The following TAB2 variants were observed in gnomAD, a reference collection of about 807,000 sequenced individuals.
TAB2 encodes TGF-beta-activated kinase 1 and MAP3K7-binding protein 2.
In TAB2, 3 loss-of-function variants were observed where a neutral mutation model predicts 65.0. That is an observed-to-expected ratio of 0.05 (90% confidence interval 0.02 to 0.12). The LOEUF is 0.12. Among genes scored for constraint, TAB2 ranks in the 10% least tolerant of loss-of-function variants. The pLI is 1.00. For synonymous variants in TAB2, 298 were observed against 285.1 expected, an observed-to-expected ratio of 1.05 and a Z score of -0.46; for missense variants, 623 against 840.3, an observed-to-expected ratio of 0.74 and a Z score of 3.20.
At chr6:149,219,116 C>T (rs940800100) in intron 1 of TAB2, among the ~76,000 whole-genome samples, 4 of 152,088 alleles carry the variant, frequency 2.6e-5, no homozygotes, top group Admixed American at 6.6e-5. Context: ...GGGCTGGGAG[C>T]GTTCAGTGAC....
intron 3 of TAB2, 21 bp from the exon 4 acceptor site, chr6:149,397,583 G>C (rs1187783568): frequency 6.2e-7 from 1 of 1,613,808 alleles, no homozygotes; most frequent in Admixed American, 1.7e-5. Context: ...GGGTCCTCAT[G>C]TTTACTAATG....
At chr6:149,279,121 C>A (rs572424835) in intron 1 of TAB2, among the ~76,000 whole-genome samples, 1 of 152,302 alleles carries the variant, frequency 6.6e-6, no homozygotes, top group African/African-American at 2.4e-5. Flanking sequence ...CTGCCCACAT[C>A]ACTCCACTTA....
chr6:149,227,442 G>A lies in TAB2; in HGVS notation c.-121+8666G>A, dbSNP rs540304083. Among the ~76,000 whole-genome samples the A allele has an allele frequency of 4.6e-5, 7 of 152,190 alleles. No individual in the cohort carries two copies. The South Asian group carries it at 6.2e-4, about 14-fold the overall frequency. On this transcript the variant is annotated intron_variant, in intron 1 of 1. Transcript: ENST00000606202. ...TTCAGATACTCAAAACACTTGATAC[G>A]GGCTGCAAGAGAAAGAGCGTCATGT...
In TAB2 at chr6:149,282,733, A is replaced by G. The variant is rs960255371; in HGVS notation, c.-121+63957A>G. ...AGGGCAACAGTCAGAACAAATATGAATTCAACAGCAATTTACTGTCTTTCC... is the reference window on the plus strand; with the variant it reads ...AGGGCAACAGTCAGAACAAATATGAGTTCAACAGCAATTTACTGTCTTTCC... On this transcript the variant is annotated intron_variant, in intron 1 of 1. Coordinates refer to the TAB2 transcript ENST00000606202. 4.6e-5 allele frequency among the ~76,000 whole-genome samples: 7 copies of G among 152,332 alleles called. 1 individual carries two copies.
intron 1 of TAB2, among the ~76,000 whole-genome samples, chr6:149,236,519 G>A (rs530874774): frequency 6.6e-6 from 1 of 152,240 alleles, no homozygotes; most frequent in South Asian, 2.1e-4. Context: ...CCACATCTGA[G>A]GTTTCTACTC....
rs1439997643 is a variant in TAB2, at chr6:149,298,502, C to T, written c.-120-79516C>T. ...ACTTAACCAGGCGTGGTAGTGCACA[C>T]CTGCAGCCCTAGCTACCCCGGAGGC... is the stretch of plus-strand genomic sequence containing the variant. On this transcript the variant is annotated intron_variant, in intron 1 of 1. Transcript: ENST00000606202. Among the ~76,000 whole-genome samples, 4 of 152,222 alleles carry T rather than the reference C, an allele frequency of 2.6e-5. No homozygotes were observed. In the East Asian group the frequency reaches 5.8e-4, roughly 22 times the overall value.
chr6:149,249,480 GTC>G (rs969339174), intron 1 of TAB2, among the ~76,000 whole-genome samples: 4 of 150,476 alleles, frequency 2.7e-5, no homozygotes, highest in African/African-American at 7.3e-5. Flanking sequence ...CTTTCTCTCT[GTC>G]TCTCTCTGTC....
chr6:149,361,112 C>T (rs1343158726), intron 1 of TAB2, among the ~76,000 whole-genome samples: 2 of 152,158 alleles, frequency 1.3e-5, no homozygotes, highest in South Asian at 2.1e-4. Context: ...GTCTGGAGGA[C>T]GGGGGTCCCT....
At chr6:149,366,161 T>C (rs571378194) in intron 1 of TAB2, among the ~76,000 whole-genome samples, 5 of 152,304 alleles carry the variant, frequency 3.3e-5, no homozygotes, top group African/African-American at 1.2e-4. Context: ...TTTTGGATTT[T>C]ATTTAGAACA....
rs1017757439 is a variant in TAB2, at chr6:149,409,782, G to A, written c.*63G>A. The A allele has an allele frequency of 1.3e-5, 21 of 1,593,638 alleles. No homozygotes were observed. The highest frequency in any genetic ancestry group is 1.7e-4 in the Middle Eastern group (1 of 6,052). On this transcript the variant is annotated 3_prime_UTR_variant, in exon 7 of 7. Coordinates refer to ENST00000637181, the MANE Select transcript of TAB2 (RefSeq NM_001292034.3). The stretch of plus-strand genomic sequence containing the variant: ...AAGTTCAAGAAACTAGTCTGTCATC[G>A]GGAAAAAGTTTCACTGCTACATAGG...
intron 1 of TAB2, among the ~76,000 whole-genome samples, chr6:149,328,105 T>C (rs185749568): frequency 6.6e-6 from 1 of 152,194 alleles, no homozygotes; most frequent in Admixed American, 6.5e-5. Context: ...GGTAGAAGAT[T>C]GAAGTGGTCA....
intron 3 of TAB2, among the ~76,000 whole-genome samples, chr6:149,392,380 G>A (rs1051929048): frequency 3.3e-5 from 5 of 152,134 alleles, no homozygotes; most frequent in African/African-American, 1.2e-4. Flanking sequence ...GACCTCAAAT[G>A]ATCCACCTGC....
chr6:149,329,568 T>C lies in TAB2; in HGVS notation c.-90+11553T>C, dbSNP rs922684021. On this transcript the variant is annotated intron_variant, in intron 1 of 6. Transcript: ENST00000637181. ...CTTGATTAGATAACATTTGAGCAGGTACATGAATGAAAATAGAGGCAGTAG... is the reference window on the plus strand; with the variant it reads ...CTTGATTAGATAACATTTGAGCAGGCACATGAATGAAAATAGAGGCAGTAG... 2.7e-5 allele frequency among the ~76,000 whole-genome samples: 4 copies of C among 148,868 alleles called. No homozygotes were observed. The South Asian group carries it at 6.3e-4, about 23-fold the overall frequency.
intron 1 of TAB2, among the ~76,000 whole-genome samples, chr6:149,276,902 C>G (rs1267263022): frequency 6.6e-6 from 1 of 152,174 alleles, no homozygotes; most frequent in Non-Finnish European, 1.5e-5. Flanking sequence ...ATAATTCCCA[C>G]GTGTTGTGGG....
Position 149,378,047 on chromosome 6 carries a change from T to C in TAB2, c.132T>C (p.Ala44=). 1 of 1,614,150 alleles carries C rather than the reference T, an allele frequency of 6.2e-7. No homozygotes were observed. Among genetic ancestry groups the C allele is most frequent in the South Asian group, 1.1e-5 (1 of 91,086 alleles). Residue 44 remains alanine, a synonymous_variant, in exon 3 of 7, where the codon GCT becomes GCC. Coordinates refer to ENST00000637181, the MANE Select transcript of TAB2 (RefSeq NM_001292034.3). ...QNNNNLDACC[A]VLSQESTRYL... is the part of the protein sequence containing the mutation. The stretch of plus-strand genomic sequence containing the variant: ...ATAATAACCTGGATGCCTGCTGTGC[T>C]GTTCTCTCTCAGGAGAGTACAAGAT...
chr6:149,300,611 T>C (rs752292235), intron 1 of TAB2, among the ~76,000 whole-genome samples: 2 of 152,256 alleles, frequency 1.3e-5, no homozygotes, highest in Non-Finnish European at 2.9e-5. Context: ...CTTAGTGTTA[T>C]GCAGCATAAA....
chr6:149,314,786 C>T (rs1779221592), upstream of TAB2, among the ~76,000 whole-genome samples: 1 of 151,870 alleles, frequency 6.6e-6, no homozygotes, highest in African/African-American at 2.4e-5. Context: ...TAAATTCAAA[C>T]AGCCCCAGGT....
intron 3 of TAB2, among the ~76,000 whole-genome samples, chr6:149,387,204 A>G (rs1384602162): frequency 6.6e-6 from 1 of 151,896 alleles, no homozygotes. Context: ...ATTTACCCCT[A>G]TTTTTTCCTC....
chr6:149,372,101 A>G lies in TAB2; in HGVS notation c.102+2002A>G, dbSNP rs373556052. On this transcript the variant is annotated intron_variant, in intron 2 of 6. Coordinates refer to ENST00000637181, the MANE Select transcript of TAB2 (RefSeq NM_001292034.3). ...AACTGTCCAGAGCATTTCCCTACAT[A>G]TAGTACAGGTATAGAGATTTTGAAA... Among the ~76,000 whole-genome samples, 30 of 152,344 alleles carry G rather than the reference A, an allele frequency of 2.0e-4. 4 individuals carry two copies. The highest frequency in any genetic ancestry group is 1.6e-3 in the Admixed American group (24 of 15,300).
Sources: allele counts gnomAD v4.1 joint callset (sites outside exome capture counted in the v4.1 genomes callset), GRCh38; gene constraint gnomAD v4.1.1; transcripts MANE v1.5; gene names NCBI Gene and HGNC (gene_info 2026-07-23, HGNC 2026-07-21).